The following MYOF variants were observed in gnomAD, a reference collection of about 807,000 sequenced individuals.
MYOF encodes myoferlin.
Under a neutral mutation model 284.2 loss-of-function variants are expected in MYOF, and 244 were observed. The ratio of observed to expected loss-of-function variants is 0.86; its 90% CI spans 0.77 to 0.95. The LOEUF is 0.95. MYOF is among the 40% of genes least tolerant of loss of function. The pLI, the probability that MYOF is intolerant of heterozygous loss-of-function variation, is 0.00. For synonymous variants in MYOF, 904 were observed against 919.7 expected (o/e 0.98, Z 0.31); for missense variants, 2,496 against 2,560.6 (o/e 0.97, Z 0.54).
chr10:93,481,267 C>T (rs1589632223), intron 1 of MYOF, among the ~76,000 whole-genome samples: 1 of 152,190 alleles, frequency 6.6e-6, no homozygotes, highest in East Asian at 1.9e-4. Flanking sequence ...GTGGCGTGAT[C>T]ACGGCTCACT....
At chr10:93,347,838 G>A (rs1258832895) in intron 36 of MYOF, 56 bp from the exon 37 acceptor site, 1 of 1,548,386 alleles carries the variant, frequency 6.5e-7, no homozygotes, top group East Asian at 2.3e-5. Flanking sequence ...GCAGCTTTGA[G>A]AAAAATTCCC....
chr10:93,336,082 A>G, intron 40 of MYOF, 36 bp from the exon 41 acceptor site: 1 of 1,603,434 alleles, frequency 6.2e-7, no homozygotes, highest in African/African-American at 1.3e-5. Flanking sequence ...TTTCTCATTA[A>G]AATGCAGGTA....
At chr10:93,372,710 T>C (rs1845646794) in intron 24 of MYOF, among the ~76,000 whole-genome samples, 2 of 152,198 alleles carry the variant, frequency 1.3e-5, no homozygotes, top group South Asian at 4.1e-4. Context: ...TATATTAATG[T>C]CACAAAGACA....
At chr10:93,357,931 C>T (rs567025873) in intron 29 of MYOF, among the ~76,000 whole-genome samples, 1 of 152,164 alleles carries the variant, frequency 6.6e-6, no homozygotes, top group Admixed American at 6.5e-5. Context: ...CCCTGTCAGA[C>T]GGGGATAATT....
chr10:93,455,394 G>A (rs949412060), intron 2 of MYOF, among the ~76,000 whole-genome samples: 2 of 152,088 alleles, frequency 1.3e-5, no homozygotes, highest in African/African-American at 2.4e-5. Flanking sequence ...CTAGCGAGGC[G>A]CAATGGCTCA....
At chr10:93,341,014 T>A (rs1012065193) in intron 38 of MYOF, among the ~76,000 whole-genome samples, 5 of 152,174 alleles carry the variant, frequency 3.3e-5, no homozygotes, top group African/African-American at 9.7e-5. Flanking sequence ...TGCCCCTTGG[T>A]ATTTTCCAGA....
intron 3 of MYOF, among the ~76,000 whole-genome samples, chr10:93,446,773 C>T (rs2056441938): frequency 6.6e-6 from 1 of 151,234 alleles, no homozygotes; most frequent in Non-Finnish European, 1.5e-5. Context: ...AGGGCTGGAG[C>T]GCAGTGGTGT....
At chr10:93,412,922 G>A (rs1722439323) in intron 5 of MYOF, among the ~76,000 whole-genome samples, 1 of 152,148 alleles carries the variant, frequency 6.6e-6, no homozygotes, top group Non-Finnish European at 1.5e-5. Context: ...CGGTAAACCT[G>A]TCCTGGACCG....
At chr10:93,390,813 TAA>T (rs902722723) in intron 17 of MYOF, among the ~76,000 whole-genome samples, 8 of 142,712 alleles carry the variant, frequency 5.6e-5, no homozygotes, top group African/African-American at 2.1e-4. Context: ...AAAAAAGATT[TAA>T]AAAAAAAAAA....
At chr10:93,376,550 A>G (rs1845844191) in intron 22 of MYOF, among the ~76,000 whole-genome samples, 1 of 152,194 alleles carries the variant, frequency 6.6e-6, no homozygotes, top group South Asian at 2.1e-4. Context: ...CGTTTCAATT[A>G]CCTGGCTTTA....
intron 18 of MYOF, among the ~76,000 whole-genome samples, chr10:93,388,813 T>C (rs951573929): frequency 7.9e-5 from 12 of 152,234 alleles, no homozygotes; most frequent in Non-Finnish European, 1.8e-4. Context: ...CCAGCATTGA[T>C]TATTGATGTC....
intron 36 of MYOF, among the ~76,000 whole-genome samples, chr10:93,348,012 C>T (rs923871828): frequency 6.6e-6 from 1 of 152,182 alleles, no homozygotes; most frequent in Non-Finnish European, 1.5e-5. Flanking sequence ...CCTGGCTAAC[C>T]CTTCCATGCC....
At chr10:93,472,527 T>C (rs952415855) in intron 1 of MYOF, among the ~76,000 whole-genome samples, 1 of 152,060 alleles carries the variant, frequency 6.6e-6, no homozygotes, top group African/African-American at 2.4e-5. Context: ...TAATCCCAGC[T>C]ACTTGGGAGG....
chr10:93,337,665 G>A (rs1203482202), intron 40 of MYOF, 150 bp downstream of exon 40: 3 of 617,326 alleles, frequency 4.9e-6, no homozygotes, highest in Non-Finnish European at 8.5e-6. Context: ...CGAAACTCAT[G>A]CAAGAGGGCT....
chr10:93,417,292 A>T (rs545421070), intron 5 of MYOF, among the ~76,000 whole-genome samples: 1 of 152,164 alleles, frequency 6.6e-6, no homozygotes, highest in African/African-American at 2.4e-5. Context: ...GTTTCCGCTA[A>T]CATTTGGAAA....
intron 22 of MYOF, among the ~76,000 whole-genome samples, chr10:93,376,690 A>G (rs546296156): frequency 1.3e-5 from 2 of 152,258 alleles, no homozygotes; most frequent in South Asian, 4.1e-4. Flanking sequence ...TGCTTTATTA[A>G]CCAATATTTA....
chr10:93,415,662 C>G (rs1482768848), intron 5 of MYOF, among the ~76,000 whole-genome samples: 2 of 152,180 alleles, frequency 1.3e-5, no homozygotes, highest in Admixed American at 1.3e-4. Flanking sequence ...GTATCTGTTG[C>G]CTTCTCTCCT....
intron 26 of MYOF, among the ~76,000 whole-genome samples, chr10:93,364,899 C>T (rs1214238959): frequency 2.0e-5 from 3 of 152,166 alleles, no homozygotes; most frequent in Non-Finnish European, 4.4e-5. Flanking sequence ...TTGGGCATCA[C>T]GTCTCTGGGC....
chr10:93,329,745 A>G lies in MYOF; in HGVS notation c.4901T>C (p.Val1634Ala), dbSNP rs762684800. The G allele has an allele frequency of 1.6e-5, 26 of 1,614,216 alleles. No individual in the cohort carries two copies. Among genetic ancestry groups the G allele is most frequent in the Middle Eastern group, 1.7e-4 (1 of 6,060 alleles). ...DYDTFTRDEKVGETIIDLENR... is the reference protein window; with the variant it reads ...DYDTFTRDEKAGETIIDLENR... ...TTCCAGATCAATAATTGTTTCTCCT[A>G]CTTTTTCATCCCGGGTAAAGGTGTC... The change falls in exon 44 of 54, where the codon GTA becomes GCA. Residue 1634 changes from valine to alanine, a missense_variant. Coordinates refer to ENST00000359263, the MANE Select transcript of MYOF (RefSeq NM_013451.4).
Sources: gnomAD v4.1 joint callset for allele counts (sites outside exome capture counted in the v4.1 genomes callset) on GRCh38, gnomAD v4.1.1 for gene constraint, MANE v1.5 for transcripts, NCBI Gene and HGNC (gene_info 2026-07-23, HGNC 2026-07-21) for gene names.